SLC2A9: variants seen among roughly 807,000 people sequenced by gnomAD.
SLC2A9 encodes the protein solute carrier family 2, facilitated glucose transporter member 9.
SLC2A9 carries 39 observed loss-of-function variants against 50.6 expected under a neutral mutation model. That is an observed-to-expected ratio of 0.77 (90% CI 0.60 to 1.01). The LOEUF (loss-of-function observed/expected upper bound fraction) is 1.01, where lower values mean the gene tolerates loss of function less well. Among genes scored for constraint, SLC2A9 ranks in the 50% least tolerant of loss-of-function variants. The probability of loss-of-function intolerance (pLI) is 0.00; values close to 1 mark genes in which losing one functional copy is unlikely to be tolerated. For synonymous variants in SLC2A9, 324 were observed against 276.9 expected, an observed-to-expected ratio of 1.17 and a Z score of -1.69; for missense variants, 686 against 677.6, an observed-to-expected ratio of 1.01 and a Z score of -0.14.
At chr4:9,909,982 G>GT (rs1212637993) in intron 7 of SLC2A9, among the ~76,000 whole-genome samples, 2 of 152,190 alleles carry the variant, frequency 1.3e-5, no homozygotes, top group African/African-American at 4.8e-5. Flanking sequence ...ATTGCCAGAT[G>GT]TTTTTAGCAA....
At chr4:9,993,709 G>C (rs1015806672) in intron 3 of SLC2A9, among the ~76,000 whole-genome samples, 17 of 151,998 alleles carry the variant, frequency 1.1e-4, no homozygotes, top group African/African-American at 4.1e-4. Flanking sequence ...AGAGGACAGA[G>C]GATGCTAAAT....
At position 9,774,065 on chromosome 4, in the gene SLC2A9, C is replaced by T. The variant is rs1291016269; in HGVS notation, n.182-2696G>A. ...GCTGGAGTGCAGTGGTGCGATCTCG[C>T]CTCACTGGAATCTCTGCCTCCTGGT... On this transcript the variant is annotated intron_variant and non_coding_transcript_variant, in intron 1 of 1. Transcript: ENST00000508585. Among the ~76,000 whole-genome samples, 7 of 150,520 alleles carry T rather than the reference C, an allele frequency of 4.7e-5. No homozygotes were observed. The East Asian group carries it at 5.9e-4, about 13-fold the overall frequency.
intron 10 of SLC2A9, among the ~76,000 whole-genome samples, chr4:9,845,966 C>A (rs1013348187): frequency 6.6e-6 from 1 of 152,140 alleles, no homozygotes. Flanking sequence ...CATTTCCATC[C>A]GACATTTACA....
chr4:9,781,884 C>G, intron 3 of SLC2A9: 1 of 672,576 alleles, frequency 1.5e-6, no homozygotes, highest in Admixed American at 3.7e-5. Context: ...CTCCGCAGCC[C>G]GGCGCAGCTC....
upstream of SLC2A9, chr4:10,026,133 G>C: frequency 1.5e-6 from 1 of 655,750 alleles, no homozygotes; most frequent in Non-Finnish European, 2.7e-6. Flanking sequence ...TGCCAGGATA[G>C]GACACAGCAG....
intron 3 of SLC2A9, among the ~76,000 whole-genome samples, chr4:9,787,304 G>A (rs2108871149): frequency 6.6e-6 from 1 of 152,322 alleles, no homozygotes; most frequent in Non-Finnish European, 1.5e-5. Flanking sequence ...CTCTTCATGG[G>A]AGGAGTGCCA....
chr4:9,801,723 G>C (rs73223713), intron 3 of SLC2A9, among the ~76,000 whole-genome samples: 1 of 152,194 alleles, frequency 6.6e-6, no homozygotes, highest in Non-Finnish European at 1.5e-5. Flanking sequence ...CTGTCCCCCC[G>C]AGCAGCAGCT....
chr4:9,848,699 CTTT>C (rs147201182), intron 10 of SLC2A9, among the ~76,000 whole-genome samples: 14 of 130,872 alleles, frequency 1.1e-4, no homozygotes, highest in Admixed American at 1.6e-4. Flanking sequence ...AGTGGAAATT[CTTT>C]TTTTTTTTTT....
intron 10 of SLC2A9, among the ~76,000 whole-genome samples, chr4:9,845,682 G>A (rs1173238093): frequency 1.3e-5 from 2 of 151,648 alleles, no homozygotes; most frequent in Admixed American, 6.6e-5. Context: ...CGCCCGCCTC[G>A]GCCTCCCAAA....
chr4:9,782,007 C>G, intron 3 of SLC2A9: 4 of 1,438,574 alleles, frequency 2.8e-6, no homozygotes, highest in Non-Finnish European at 3.6e-6. Flanking sequence ...CGCGCACAGA[C>G]CGCCCCTGCA....
At chr4:9,942,722 A>G (rs1310069282) in intron 5 of SLC2A9, among the ~76,000 whole-genome samples, 3 of 152,206 alleles carry the variant, frequency 2.0e-5, no homozygotes, top group Non-Finnish European at 4.4e-5. Flanking sequence ...TGCAGCTTAA[A>G]TGAAGCCCAG....
At position 9,996,961 on chromosome 4, in the gene SLC2A9, C is replaced by T; in HGVS notation, c.250-20G>A. On this transcript the variant is annotated intron_variant, in intron 2 of 11. Coordinates refer to ENST00000264784, the MANE Select transcript of SLC2A9 (RefSeq NM_020041.3). ...GATGTACTGAAAATAAACAACAAAC[C>T]ATGTTATTTCCTTCTGTTCTCTCCT... 1.2e-6 allele frequency: 2 copies of T among 1,613,120 alleles called. No individual in the cohort carries two copies. The highest frequency in any genetic ancestry group is 1.7e-6 in the Non-Finnish European group (2 of 1,179,410).
chr4:9,909,964 T>A (rs1741397744), intron 7 of SLC2A9, among the ~76,000 whole-genome samples: 1 of 152,252 alleles, frequency 6.6e-6, no homozygotes, highest in Admixed American at 6.5e-5. Flanking sequence ...TTTCTATAGA[T>A]CTGTTTTATT....
intron 9 of SLC2A9, among the ~76,000 whole-genome samples, chr4:9,889,455 C>T (rs931537117): frequency 2.6e-5 from 4 of 152,174 alleles, no homozygotes; most frequent in Non-Finnish European, 5.9e-5. Flanking sequence ...GCCTAACTGG[C>T]TTCCTGAGAA....
At chr4:9,980,110 C>T (rs1755465758) in intron 5 of SLC2A9, among the ~76,000 whole-genome samples, 1 of 152,080 alleles carries the variant, frequency 6.6e-6, no homozygotes, top group Non-Finnish European at 1.5e-5. Flanking sequence ...CACCTGCTCC[C>T]AAAACAGCAA....
At chr4:10,024,126 C>T (rs982852501), upstream of SLC2A9, among the ~76,000 whole-genome samples, 2 of 152,178 alleles carry the variant, frequency 1.3e-5, no homozygotes, top group Admixed American at 6.5e-5. Context: ...TTAACTCTCT[C>T]GCCACCTCCT....
At chr4:9,944,605 G>T (rs1560356773) in intron 5 of SLC2A9, among the ~76,000 whole-genome samples, 1 of 152,192 alleles carries the variant, frequency 6.6e-6, no homozygotes, top group Non-Finnish European at 1.5e-5. Context: ...AACTGGGGAA[G>T]GACAATGGCA....
At chr4:9,911,087 G>A (rs1328866114) in intron 7 of SLC2A9, among the ~76,000 whole-genome samples, 3 of 151,930 alleles carry the variant, frequency 2.0e-5, no homozygotes, top group Non-Finnish European at 4.4e-5. Flanking sequence ...ATCATGGCAC[G>A]TGTATACCTA....
chr4:9,785,964 A>T (rs1719168959), intron 3 of SLC2A9, among the ~76,000 whole-genome samples: 1 of 152,142 alleles, frequency 6.6e-6, no homozygotes, highest in South Asian at 2.1e-4. Context: ...ATGAAGAGAG[A>T]CCTTGACGAA....
Sources: allele counts gnomAD v4.1 joint callset (sites outside exome capture counted in the v4.1 genomes callset), GRCh38; gene constraint gnomAD v4.1.1; transcripts MANE v1.5; gene names NCBI Gene and HGNC (gene_info 2026-07-23, HGNC 2026-07-21).